CAMK2D: variants seen among roughly 807,000 people sequenced by gnomAD.
CAMK2D encodes calcium/calmodulin-dependent protein kinase type II subunit delta.
In CAMK2D, 37 loss-of-function variants were observed where a neutral mutation model predicts 84.0. The observed-to-expected ratio is 0.44, with a 90% CI of 0.34 to 0.58. The LOEUF (loss-of-function observed/expected upper bound fraction) is 0.58, where lower values mean the gene tolerates loss of function less well. Ranked by LOEUF, CAMK2D falls within the 20% of genes least tolerant of loss-of-function variation. The pLI is 0.02. For synonymous variants in CAMK2D, 202 were observed against 212.5 expected (o/e 0.95, Z 0.43); for missense variants, 448 against 652.5 (o/e 0.69, Z 3.41).
chr4:113,566,515 T>C (rs1329187196), intron 4 of CAMK2D, among the ~76,000 whole-genome samples: 1 of 152,164 alleles, frequency 6.6e-6, no homozygotes, highest in African/African-American at 2.4e-5. Flanking sequence ...ATATTTCCGA[T>C]CTTTAAATCT....
At chr4:113,719,677 G>C (rs2099524322) in intron 2 of CAMK2D, among the ~76,000 whole-genome samples, 1 of 152,140 alleles carries the variant, frequency 6.6e-6, no homozygotes, top group African/African-American at 2.4e-5. Flanking sequence ...AGGCCCCCTT[G>C]GGGGATGGGG....
chr4:113,745,453 T>C (rs2099602143), intron 2 of CAMK2D, among the ~76,000 whole-genome samples: 1 of 152,202 alleles, frequency 6.6e-6, no homozygotes, highest in Non-Finnish European at 1.5e-5. Flanking sequence ...CATAATTATC[T>C]ATGTATGTCT....
At chr4:113,590,110 T>TA (rs575577158) in intron 4 of CAMK2D, among the ~76,000 whole-genome samples, 1 of 152,280 alleles carries the variant, frequency 6.6e-6, no homozygotes, top group African/African-American at 2.4e-5. Flanking sequence ...ACCAGCTACA[T>TA]AAAAAAACAC....
intron 3 of CAMK2D, among the ~76,000 whole-genome samples, chr4:113,652,968 A>C (rs1404867493): frequency 6.6e-6 from 1 of 152,178 alleles, no homozygotes; most frequent in Non-Finnish European, 1.5e-5. Context: ...TACATGGAAA[A>C]AAATATTGAC....
chr4:113,753,273 T>G (rs927348957), intron 2 of CAMK2D, among the ~76,000 whole-genome samples: 2 of 151,958 alleles, frequency 1.3e-5, no homozygotes, highest in African/African-American at 4.8e-5. Context: ...TAATGGCTAT[T>G]AATATTTATA....
chr4:113,736,028 G>A (rs1240925866), intron 2 of CAMK2D, among the ~76,000 whole-genome samples: 2 of 151,476 alleles, frequency 1.3e-5, no homozygotes, highest in Non-Finnish European at 2.9e-5. Flanking sequence ...AAATATAGAC[G>A]GGAAATCTTT....
chr4:113,591,925 C>T (rs1187982529), intron 4 of CAMK2D, among the ~76,000 whole-genome samples: 1 of 152,152 alleles, frequency 6.6e-6, no homozygotes, highest in East Asian at 1.9e-4. Flanking sequence ...GGGCTCACCA[C>T]AGTTTATGGT....
intron 2 of CAMK2D, among the ~76,000 whole-genome samples, chr4:113,691,357 GA>G (rs1286474913): frequency 6.6e-6 from 1 of 152,170 alleles, no homozygotes; most frequent in East Asian, 1.9e-4. Flanking sequence ...CAACTAGCTG[GA>G]AAGAAGTGCA....
At chr4:113,649,412 C>T (rs555696625) in intron 3 of CAMK2D, among the ~76,000 whole-genome samples, 13 of 152,138 alleles carry the variant, frequency 8.5e-5, no homozygotes, top group South Asian at 4.1e-4. Context: ...TATATAATAA[C>T]GCCAATCATT....
chr4:113,671,241 ACAATTT>A (rs1263360525), intron 2 of CAMK2D, among the ~76,000 whole-genome samples: 1 of 152,218 alleles, frequency 6.6e-6, no homozygotes, highest in Admixed American at 6.5e-5. Flanking sequence ...ACTTTGGATA[ACAATTT>A]AGAAGAATAA....
In CAMK2D at chr4:113,515,082, T is replaced by C. The variant is rs2098267540; in HGVS notation, c.806A>G (p.His269Arg). ...KRITASEALK[H>R]PWICQRSTVA... is the part of the protein sequence containing the mutation. ...AGTTTTACTTACACAGATCCATGGGTGCTTCAGTGCCTCTGAGGCTGTGAT... is the reference window on the plus strand; with the variant it reads ...AGTTTTACTTACACAGATCCATGGGCGCTTCAGTGCCTCTGAGGCTGTGAT... Residue 269 changes from histidine (H) to arginine (R), a missense_variant, in exon 10 of 21, where the codon CAC (histidine) becomes CGC (arginine). Transcript: ENST00000511664. The C allele has an allele frequency of 2.5e-6, 4 of 1,613,694 alleles. No homozygotes were observed. The highest frequency in any genetic ancestry group is 3.4e-6 in the Non-Finnish European group (4 of 1,179,666).
intron 3 of CAMK2D, among the ~76,000 whole-genome samples, chr4:113,660,074 C>T (rs1210794105): frequency 1.3e-5 from 2 of 152,258 alleles, no homozygotes; most frequent in African/African-American, 2.4e-5. Context: ...ATTAAAACAC[C>T]TGTAAACTTT....
At chr4:113,638,477 T>C (rs1319150318) in intron 3 of CAMK2D, among the ~76,000 whole-genome samples, 1 of 152,166 alleles carries the variant, frequency 6.6e-6, no homozygotes, top group Non-Finnish European at 1.5e-5. Flanking sequence ...GGGGGTAGGT[T>C]AGATACCTAC....
intron 2 of CAMK2D, among the ~76,000 whole-genome samples, chr4:113,662,464 A>T (rs1255883024): frequency 1.3e-5 from 2 of 152,290 alleles, no homozygotes; most frequent in East Asian, 3.9e-4. Context: ...AACCAAAATG[A>T]CTCATCAAAA....
chr4:113,736,181 T>C (rs936393755), intron 2 of CAMK2D, among the ~76,000 whole-genome samples: 2 of 151,074 alleles, frequency 1.3e-5, no homozygotes, highest in Admixed American at 1.3e-4. Context: ...TATATAAAAG[T>C]GTATTTTATG....
chr4:113,730,954 A>G (rs2099567234), intron 2 of CAMK2D, among the ~76,000 whole-genome samples: 1 of 152,258 alleles, frequency 6.6e-6, no homozygotes, highest in Admixed American at 6.5e-5. Flanking sequence ...TCTTGTAACC[A>G]GAAACACAAA....
intron 2 of CAMK2D, among the ~76,000 whole-genome samples, chr4:113,678,230 T>A (rs1438292878): frequency 6.6e-6 from 1 of 152,148 alleles, no homozygotes; most frequent in Non-Finnish European, 1.5e-5. Context: ...AGAAAGAAGC[T>A]GAACAGCAGA....
In CAMK2D at chr4:113,465,607, A is replaced by G. The variant is rs1342873460; in HGVS notation, c.1136-3T>C. ...TTTGATAATCTCTTGCTTTCGTGCT[A>G]AAGGCAAAAATATGGAGTTGGGTAA... On this transcript the variant is annotated splice_region_variant and splice_polypyrimidine_tract_variant and intron_variant, in intron 16 of 20. Transcript: ENST00000511664. 1.9e-6 allele frequency: 3 copies of G among 1,591,104 alleles called. No homozygotes were observed. The highest frequency in any genetic ancestry group is 2.6e-6 in the Non-Finnish European group (3 of 1,159,510).
At chr4:113,679,089 C>T (rs2099329959) in intron 2 of CAMK2D, among the ~76,000 whole-genome samples, 1 of 151,754 alleles carries the variant, frequency 6.6e-6, no homozygotes, top group Non-Finnish European at 1.5e-5. Flanking sequence ...TTATTTTAAC[C>T]CTGGAACACA....
Sources: gnomAD v4.1 joint callset for allele counts (sites outside exome capture counted in the v4.1 genomes callset) on GRCh38, gnomAD v4.1.1 for gene constraint, MANE v1.5 for transcripts, NCBI Gene and HGNC (gene_info 2026-07-23, HGNC 2026-07-21) for gene names.